LHX8: variants seen among roughly 807,000 people sequenced by gnomAD.
The protein encoded by LHX8 is LIM homeobox 8.
A neutral mutation model predicts 40.3 loss-of-function variants in LHX8; 12 were observed. The observed-to-expected ratio is 0.30, with a 90% CI of 0.19 to 0.48. The LOEUF (loss-of-function observed/expected upper bound fraction) is 0.48, where lower values mean the gene tolerates loss of function less well. Among genes scored for constraint, LHX8 ranks in the 20% least tolerant of loss-of-function variants. LHX8 has a pLI of 0.99. For synonymous variants in LHX8, 179 were observed against 162.0 expected (o/e 1.10, Z -0.80); for missense variants, 344 against 433.7 (o/e 0.79, Z 1.84).
At chr1:75,174,322 G>T in the LHX8 span, among the ~76,000 whole-genome samples, 1 of 152,098 alleles carries the variant, frequency 6.6e-6, no homozygotes, top group Non-Finnish European at 1.5e-5. Flanking sequence ...GTGATATTAG[G>T]CCCCTGTTCC....
At chr1:75,187,894 A>G in the LHX8 span, among the ~76,000 whole-genome samples, 12 of 152,192 alleles carry the variant, frequency 7.9e-5, no homozygotes, top group Non-Finnish European at 1.6e-4. Context: ...GAAACTACAG[A>G]CAGGAGATAA....
At chr1:75,164,850 A>G (rs1648999532), downstream of LHX8, among the ~76,000 whole-genome samples, 1 of 151,032 alleles carries the variant, frequency 6.6e-6, no homozygotes, top group Non-Finnish European at 1.5e-5. Context: ...TTTTTTTTGT[A>G]GAGACTAGGT....
chr1:75,154,705 G>C (rs1648708427), intron 7 of LHX8, among the ~76,000 whole-genome samples: 1 of 152,028 alleles, frequency 6.6e-6, no homozygotes, highest in African/African-American at 2.4e-5. Flanking sequence ...GGAGTTTGGG[G>C]TGTGGTCTAT....
intron 7 of LHX8, among the ~76,000 whole-genome samples, chr1:75,156,421 T>C (rs1207657254): frequency 6.6e-6 from 1 of 152,092 alleles, no homozygotes; most frequent in Non-Finnish European, 1.5e-5. Context: ...TTTGTATTTT[T>C]AGTAGAGACG....
chr1:75,151,897 G>C (rs868375425), intron 7 of LHX8, among the ~76,000 whole-genome samples: 1 of 152,174 alleles, frequency 6.6e-6, no homozygotes, highest in Non-Finnish European at 1.5e-5. Flanking sequence ...CTAGTACTAT[G>C]AGCAAGTTAA....
In LHX8 at chr1:75,137,082, C is replaced by T. The variant is rs756955221; in HGVS notation, c.76-18C>T. The T allele has an allele frequency of 3.8e-6, 6 of 1,594,508 alleles. No individual in the cohort carries two copies. The East Asian group carries it at 6.8e-5, about 18-fold the overall frequency. On this transcript the variant is annotated intron_variant, in intron 2 of 8. Coordinates refer to ENST00000356261, the MANE Select transcript of LHX8 (RefSeq NM_001256114.2). ...GAGGAGGGGTCTAGAACCGCCTGCG[C>T]CTCGCGGTTTCCTGCAGGTGAGCCC...
At chr1:75,154,954 A>G (rs2100357802) in intron 7 of LHX8, among the ~76,000 whole-genome samples, 1 of 152,314 alleles carries the variant, frequency 6.6e-6, no homozygotes, top group South Asian at 2.1e-4. Context: ...TGCCAGGGGC[A>G]GGGTGTAGTT....
the LHX8 span, among the ~76,000 whole-genome samples, chr1:75,189,541 C>T: frequency 3.3e-5 from 5 of 152,084 alleles, no homozygotes; most frequent in Non-Finnish European, 7.4e-5. Context: ...TGATTTTCAG[C>T]ATCATCTATT....
upstream of LHX8, among the ~76,000 whole-genome samples, chr1:75,133,981 C>A (rs1181699237): frequency 6.6e-6 from 1 of 152,098 alleles, no homozygotes; most frequent in African/African-American, 2.4e-5. Context: ...CTCGGCTACA[C>A]CGGACAGCTG....
upstream of LHX8, chr1:75,130,589 A>G (rs1647935677): frequency 1.1e-6 from 1 of 894,022 alleles, no homozygotes; most frequent in South Asian, 1.3e-5. Flanking sequence ...GGCGACCTCC[A>G]CTGGCGTGAA....
At chr1:75,143,650 A>G (rs919218489) in intron 5 of LHX8, among the ~76,000 whole-genome samples, 195 bp from the exon 6 acceptor site, 7 of 152,164 alleles carry the variant, frequency 4.6e-5, no homozygotes, top group African/African-American at 1.7e-4. Flanking sequence ...TGAACTTTTC[A>G]CTAAATATAC....
chr1:75,167,306 A>G, the LHX8 span, among the ~76,000 whole-genome samples: 1 of 152,352 alleles, frequency 6.6e-6, no homozygotes, highest in East Asian at 1.9e-4. Context: ...CACTTTTCCC[A>G]AATGGTTATT....
At chr1:75,150,959 G>A (rs1056643987) in intron 7 of LHX8, among the ~76,000 whole-genome samples, 1 of 152,110 alleles carries the variant, frequency 6.6e-6, no homozygotes, top group Admixed American at 6.6e-5. Flanking sequence ...ACAGGGGTGA[G>A]CCACCGTGCC....
intron 6 of LHX8, among the ~76,000 whole-genome samples, chr1:75,148,312 T>A (rs917685835): frequency 6.6e-6 from 1 of 152,230 alleles, no homozygotes; most frequent in African/African-American, 2.4e-5. Flanking sequence ...GTTATAAGAT[T>A]GAAAGAAAAG....
chr1:75,199,377 T>C, the LHX8 span, among the ~76,000 whole-genome samples: 5 of 152,314 alleles, frequency 3.3e-5, no homozygotes, highest in African/African-American at 1.2e-4. Flanking sequence ...CCAAGGTTAT[T>C]CTAACAATGG....
At chr1:75,130,714 T>A, upstream of LHX8, 5 of 1,614,086 alleles carry the variant, frequency 3.1e-6, no homozygotes, top group Non-Finnish European at 4.2e-6. Flanking sequence ...TCTGAGGGGT[T>A]ATGCAGATTC....
chr1:75,184,628 G>A, the LHX8 span, among the ~76,000 whole-genome samples: 2 of 152,014 alleles, frequency 1.3e-5, no homozygotes, highest in South Asian at 4.2e-4. Flanking sequence ...GTGGTAAGAG[G>A]GATATTTATA....
chr1:75,140,894 A>T, intron 3 of LHX8, 91 bp from the exon 4 acceptor site: 1 of 1,254,020 alleles, frequency 8.0e-7, no homozygotes, highest in Non-Finnish European at 1.2e-6. Context: ...TTAATATATT[A>T]AGGGGCCAGT....
the LHX8 span, among the ~76,000 whole-genome samples, chr1:75,173,979 A>G: frequency 4.6e-5 from 7 of 151,946 alleles, no homozygotes; most frequent in Non-Finnish European, 8.8e-5. Flanking sequence ...TCTTTGGAGC[A>G]TTTTGGATTT....
Sources: gnomAD v4.1 joint callset for allele counts (sites outside exome capture counted in the v4.1 genomes callset) on GRCh38, gnomAD v4.1.1 for gene constraint, MANE v1.5 for transcripts, NCBI Gene and HGNC (gene_info 2026-07-23, HGNC 2026-07-21) for gene names.